The following TENM4 variants were observed in gnomAD, a reference collection of about 807,000 sequenced individuals.
TENM4 encodes teneurin-4.
A neutral mutation model predicts 243.3 loss-of-function variants in TENM4; 82 were observed. The observed-to-expected ratio is 0.34, with a 90% CI of 0.28 to 0.40. The LOEUF is 0.40. TENM4 is among the 10% of genes least tolerant of loss of function. The probability of loss-of-function intolerance (pLI) is 1.00; values close to 1 mark genes in which losing one functional copy is unlikely to be tolerated. For missense variants in TENM4, 3,138 were observed against 3,673.3 expected (o/e 0.85, Z 3.77); for synonymous variants, 1,412 against 1,456.3 (o/e 0.97, Z 0.69).
At chr11:78,799,388 A>G (rs1039418051) in intron 15 of TENM4, among the ~76,000 whole-genome samples, 2 of 152,262 alleles carry the variant, frequency 1.3e-5, no homozygotes, top group African/African-American at 4.8e-5. Context: ...ACACAGATTC[A>G]GGTCCAGGCC....
chr11:78,710,027 C>G lies in TENM4; in HGVS notation c.4055-1512G>C, dbSNP rs190891225. 2.3e-3 allele frequency among the ~76,000 whole-genome samples: 348 copies of G among 152,330 alleles called. 1 individual carries two copies. The highest frequency in any genetic ancestry group is 4.1e-3 in the Non-Finnish European group (278 of 68,026). On this transcript the variant is annotated intron_variant, in intron 26 of 33. Transcript: ENST00000278550. ...ACCATGTGAGCAGCACAAGAAAGGA[C>G]AGACTCAAGAGGGTCATGGTAAAAT...
chr11:78,977,102 T>C (rs1050386335), intron 6 of TENM4, among the ~76,000 whole-genome samples: 15 of 152,210 alleles, frequency 9.9e-5, no homozygotes, highest in African/African-American at 3.1e-4. Flanking sequence ...TGCCTCTTCC[T>C]AGCGCTAGTG....
intron 2 of TENM4, among the ~76,000 whole-genome samples, chr11:79,289,000 G>T (rs188656173): frequency 2.9e-4 from 44 of 152,282 alleles, no homozygotes; most frequent in African/African-American, 9.6e-4. Flanking sequence ...AAAAATAAGA[G>T]AAAATCTTGT....
intron 6 of TENM4, among the ~76,000 whole-genome samples, chr11:79,001,696 T>C (rs1433968731): frequency 6.6e-6 from 1 of 152,164 alleles, no homozygotes; most frequent in African/African-American, 2.4e-5. Flanking sequence ...CAGGGTGGTC[T>C]TACTTGTGAG....
At chr11:79,313,307 T>A (rs142412461) in intron 1 of TENM4, among the ~76,000 whole-genome samples, 306 of 152,292 alleles carry the variant, frequency 2.0e-3, no homozygotes, top group Non-Finnish European at 3.2e-3. Flanking sequence ...CAACTCCAGC[T>A]GAGGGTTCTG....
chr11:79,178,565 C>G (rs767244672), intron 3 of TENM4, among the ~76,000 whole-genome samples: 2 of 152,184 alleles, frequency 1.3e-5, no homozygotes, highest in Non-Finnish European at 2.9e-5. Context: ...CCAGAAGGAG[C>G]GTGACATCAA....
intron 15 of TENM4, among the ~76,000 whole-genome samples, chr11:78,800,278 G>A (rs554003650): frequency 6.6e-6 from 1 of 152,214 alleles, no homozygotes; most frequent in South Asian, 2.1e-4. Flanking sequence ...TGCAAAAGTT[G>A]ATGAGGCATT....
At chr11:79,093,133 A>C (rs1425000155) in intron 4 of TENM4, 1 of 152,238 alleles carries the variant, frequency 6.6e-6, no homozygotes, top group Non-Finnish European at 1.5e-5. Flanking sequence ...AGAAAGCAAC[A>C]CACTTAGCCC....
chr11:79,182,190 T>C (rs766888407), intron 3 of TENM4, among the ~76,000 whole-genome samples: 1 of 152,116 alleles, frequency 6.6e-6, no homozygotes, highest in Non-Finnish European at 1.5e-5. Context: ...ACTTCCAGAC[T>C]TACTATAAAG....
At chr11:79,161,876 C>T (rs182471828) in intron 3 of TENM4, among the ~76,000 whole-genome samples, 90 of 152,220 alleles carry the variant, frequency 5.9e-4, no homozygotes, top group African/African-American at 2.0e-3. Context: ...GACCCAAGTG[C>T]GCACTTAGAC....
At chr11:78,687,467 C>T (rs540178432) in intron 29 of TENM4, among the ~76,000 whole-genome samples, 1 of 152,320 alleles carries the variant, frequency 6.6e-6, no homozygotes, top group East Asian at 1.9e-4. Flanking sequence ...TCCCACAAAG[C>T]TGCAAGCCCA....
intron 6 of TENM4, among the ~76,000 whole-genome samples, chr11:78,917,029 C>A (rs79436371): frequency 0.016 from 2,505 of 152,254 alleles, 68 homozygotes; most frequent in African/African-American, 0.057. Flanking sequence ...AATGCAAAAA[C>A]CCCTCATGTA....
chr11:78,722,223 C>A (rs1279437317), intron 24 of TENM4, among the ~76,000 whole-genome samples: 1 of 152,164 alleles, frequency 6.6e-6, no homozygotes, highest in South Asian at 2.1e-4. Flanking sequence ...TCAGGTTGCA[C>A]AAGCTGATCT....
intron 1 of TENM4, among the ~76,000 whole-genome samples, chr11:79,332,921 T>G (rs1300133341): frequency 1.3e-5 from 2 of 152,142 alleles, no homozygotes; most frequent in African/African-American, 4.8e-5. Flanking sequence ...CCCGCCTGTC[T>G]CACTCTGAAA....
chr11:79,415,432 C>T (rs1482338405), intron 1 of TENM4, among the ~76,000 whole-genome samples: 1 of 152,182 alleles, frequency 6.6e-6, no homozygotes, highest in South Asian at 2.1e-4. Flanking sequence ...TCATTATAGA[C>T]AAGCATTTGG....
At chr11:79,308,436 T>C (rs1209168000) in intron 1 of TENM4, among the ~76,000 whole-genome samples, 3 of 152,230 alleles carry the variant, frequency 2.0e-5, no homozygotes, top group African/African-American at 7.2e-5. Flanking sequence ...TGAGTGTAAG[T>C]GATATTTTGA....
intron 25 of TENM4, 147 bp downstream of exon 25, chr11:78,720,223 C>T: frequency 1.1e-6 from 1 of 896,794 alleles, no homozygotes; most frequent in East Asian, 2.4e-5. Flanking sequence ...TTAATGACTT[C>T]CTCCCATTGC....
At chr11:79,234,526 C>A (rs148410919) in intron 2 of TENM4, among the ~76,000 whole-genome samples, 27 of 152,288 alleles carry the variant, frequency 1.8e-4, no homozygotes, top group African/African-American at 6.3e-4. Context: ...TGCCCTCAGG[C>A]TGGGATGAGA....
intron 15 of TENM4, among the ~76,000 whole-genome samples, chr11:78,789,280 C>T (rs761011609): frequency 7.6e-6 from 1 of 132,220 alleles, no homozygotes. Context: ...TTCTCTCTAG[C>T]GACCTGCCTG....
Sources: gnomAD v4.1 joint callset for allele counts (sites outside exome capture counted in the v4.1 genomes callset) on GRCh38, gnomAD v4.1.1 for gene constraint, MANE v1.5 for transcripts, NCBI Gene and HGNC (gene_info 2026-07-23, HGNC 2026-07-21) for gene names.